TSHZ2: variants seen among roughly 807,000 people sequenced by gnomAD.
The protein encoded by TSHZ2 is teashirt zinc finger homeobox 2.
In TSHZ2, 21 loss-of-function variants were observed where a neutral mutation model predicts 74.4. The ratio of observed to expected loss-of-function variants is 0.28; its 90% CI spans 0.20 to 0.41. The LOEUF (loss-of-function observed/expected upper bound fraction) is 0.41. Among genes scored for constraint, TSHZ2 ranks in the 10% least tolerant of loss-of-function variants. The pLI, the probability that TSHZ2 is intolerant of heterozygous loss-of-function variation, is 1.00. For synonymous variants in TSHZ2, 540 were observed against 515.3 expected, an observed-to-expected ratio of 1.05 and a Z score of -0.65; for missense variants, 1,244 against 1,293.5, an observed-to-expected ratio of 0.96 and a Z score of 0.59.
intron 2 of TSHZ2, among the ~76,000 whole-genome samples, chr20:53,388,144 A>G (rs1176337161): frequency 2.6e-5 from 4 of 152,118 alleles, no homozygotes; most frequent in Non-Finnish European, 5.9e-5. Flanking sequence ...CATCATAGCA[A>G]TCCCTTCAGC....
At chr20:53,108,786 G>A (rs1229092621) in intron 1 of TSHZ2, among the ~76,000 whole-genome samples, 5 of 152,190 alleles carry the variant, frequency 3.3e-5, no homozygotes, top group Non-Finnish European at 7.3e-5. Context: ...ATCCTCAAGA[G>A]TAACAGAGCC....
chr20:53,302,397 A>G (rs1404427887), intron 2 of TSHZ2, among the ~76,000 whole-genome samples: 1 of 152,196 alleles, frequency 6.6e-6, no homozygotes, highest in African/African-American at 2.4e-5. Context: ...ATTTCATCGA[A>G]CCTTGTTAGT....
Position 53,040,227 on chromosome 20 carries a change from G to A in TSHZ2, c.40+66894G>A, listed in dbSNP as rs187785309. ...CAAGGTGAGACCTGAATGAAGTAAA[G>A]GAGCAAGTCATGGTGATGTCTAGGA... On this transcript the variant is annotated intron_variant, in intron 1 of 2. Transcript: ENST00000371497. Among the ~76,000 whole-genome samples the A allele has an allele frequency of 2.2e-3, 329 of 152,322 alleles. 1 individual carries two copies. The highest frequency in any genetic ancestry group is 0.014 in the Middle Eastern group (4 of 294).
intron 1 of TSHZ2, among the ~76,000 whole-genome samples, chr20:53,087,229 T>G (rs963863327): frequency 6.6e-6 from 1 of 152,200 alleles, no homozygotes; most frequent in Non-Finnish European, 1.5e-5. Flanking sequence ...CAGATGCTTT[T>G]CCAAGTAAAC....
rs1321709356 is a variant in TSHZ2, at chr20:53,487,822, T to C, written c.*687T>C. ...TCTTCTGTGAAACTTGCTCAAATAGTTAAGCTTAACCATGTTGCTGCCAAA... is the reference window on the plus strand; with the variant it reads ...TCTTCTGTGAAACTTGCTCAAATAGCTAAGCTTAACCATGTTGCTGCCAAA... On this transcript the variant is annotated 3_prime_UTR_variant, in exon 3 of 3. Transcript: ENST00000371497. The C allele has an allele frequency of 6.6e-6, 1 of 152,198 alleles. No individual in the cohort carries two copies. The highest frequency in any genetic ancestry group is 2.4e-5 in the African/African-American group (1 of 41,460). 9.4% of individuals were successfully genotyped at this position (152,198 alleles called of 1,614,324 possible). A position where few individuals can be genotyped will look rare whatever the true frequency, so the allele number is the denominator to read the frequency against.
rs887495225 is a variant in TSHZ2 at position 53,256,734 on chromosome 20, C to A, written c.*8+163C>A. On this transcript the variant is annotated intron_variant, in intron 2 of 2. Transcript: ENST00000371497. This position sits in a 1 kb window ranked among gnomAD's most constrained non-coding sequence, Gnocchi z 4.3. ...AAAGACCAGAACATGAAAACTAAGTCCTAATCATTCTCTTAAGTCCTCTAG... is the reference window on the plus strand; with the variant it reads ...AAAGACCAGAACATGAAAACTAAGTACTAATCATTCTCTTAAGTCCTCTAG... Among the ~76,000 whole-genome samples, 4 of 152,160 alleles carry A rather than the reference C, an allele frequency of 2.6e-5. No homozygotes were observed. Among genetic ancestry groups the A allele is most frequent in the Admixed American group, 1.3e-4 (2 of 15,270 alleles).
At chr20:53,438,007 C>T (rs1230282385) in intron 2 of TSHZ2, among the ~76,000 whole-genome samples, 2 of 152,132 alleles carry the variant, frequency 1.3e-5, no homozygotes, top group Non-Finnish European at 2.9e-5. Flanking sequence ...TTCTAAATTA[C>T]CCAGTCTCGG....
chr20:53,202,901 G>C (rs1989042712), intron 1 of TSHZ2, among the ~76,000 whole-genome samples: 1 of 152,070 alleles, frequency 6.6e-6, no homozygotes, highest in Non-Finnish European at 1.5e-5. Context: ...TTCAGGAGAG[G>C]GATCAGCCAC....
intron 2 of TSHZ2, among the ~76,000 whole-genome samples, chr20:53,361,345 G>T (rs1302313158): frequency 2.0e-5 from 3 of 152,216 alleles, no homozygotes; most frequent in Admixed American, 1.3e-4. Flanking sequence ...TAATAGGCAG[G>T]TATTGTCCTG....
intron 2 of TSHZ2, among the ~76,000 whole-genome samples, chr20:53,337,387 T>G (rs1164262665): frequency 6.6e-6 from 1 of 152,224 alleles, no homozygotes; most frequent in Non-Finnish European, 1.5e-5. Flanking sequence ...TGCCATGATT[T>G]TTTTAAAAAG....
chr20:52,991,252 G>A (rs1235955073), intron 1 of TSHZ2, among the ~76,000 whole-genome samples: 6 of 147,752 alleles, frequency 4.1e-5, no homozygotes, highest in East Asian at 2.1e-4. Context: ...TGTTGTGGGG[G>A]GAGAGAGTGT....
intron 1 of TSHZ2, among the ~76,000 whole-genome samples, chr20:53,046,894 A>G (rs1208987328): frequency 6.6e-6 from 1 of 152,188 alleles, no homozygotes; most frequent in Non-Finnish European, 1.5e-5. Context: ...CCCTTAATGC[A>G]TGTTATGAAC....
intron 1 of TSHZ2, among the ~76,000 whole-genome samples, chr20:53,140,412 C>T (rs948986621): frequency 4.0e-5 from 6 of 151,542 alleles, no homozygotes; most frequent in East Asian, 3.9e-4. Context: ...AGGTGGCAGG[C>T]GCCTGTAGTC....
At chr20:53,242,706 T>C (rs953207453) in intron 1 of TSHZ2, among the ~76,000 whole-genome samples, 3 of 152,224 alleles carry the variant, frequency 2.0e-5, no homozygotes, top group African/African-American at 7.2e-5. Context: ...TACCTTGTTG[T>C]TGTTCTCTAT....
intron 1 of TSHZ2, among the ~76,000 whole-genome samples, chr20:53,118,897 T>C (rs1986737594): frequency 6.6e-6 from 1 of 151,844 alleles, no homozygotes; most frequent in South Asian, 2.1e-4. Context: ...CTCAAGAAGC[T>C]CACAATCATG....
At chr20:53,007,375 G>C (rs190346152) in intron 1 of TSHZ2, among the ~76,000 whole-genome samples, 54 of 152,254 alleles carry the variant, frequency 3.5e-4, no homozygotes, top group Non-Finnish European at 5.3e-4. Flanking sequence ...GAAAATGTTT[G>C]GTCATTTTAA....
intron 2 of TSHZ2, among the ~76,000 whole-genome samples, chr20:53,386,420 A>AT (rs970590112): frequency 2.2e-4 from 34 of 152,268 alleles, no homozygotes; most frequent in African/African-American, 7.9e-4. Context: ...TGCATATCCC[A>AT]TTTTTTGATT....
intron 1 of TSHZ2, among the ~76,000 whole-genome samples, chr20:52,986,600 A>T (rs1320592829): frequency 3.3e-5 from 5 of 151,014 alleles, no homozygotes; most frequent in African/African-American, 1.2e-4. Context: ...GTGATGGGGC[A>T]TTTCTGTAAT....
chr20:53,173,948 T>C (rs1375020837), intron 1 of TSHZ2, among the ~76,000 whole-genome samples: 1 of 152,168 alleles, frequency 6.6e-6, no homozygotes, highest in Non-Finnish European at 1.5e-5. Context: ...CTTTTAATTT[T>C]AGATAGAACT....
Sources: gnomAD v4.1 joint callset for allele counts (sites outside exome capture counted in the v4.1 genomes callset) on GRCh38, gnomAD v4.1.1 for gene constraint, Gnocchi (gnomAD v3.1) non-coding constraint, MANE v1.5 for transcripts, NCBI Gene and HGNC (gene_info 2026-07-23, HGNC 2026-07-21) for gene names.